DEPDC5: variants seen among roughly 807,000 people sequenced by gnomAD.
DEPDC5 encodes GATOR1 complex protein DEPDC5.
Under a neutral mutation model 217.3 loss-of-function variants are expected in DEPDC5, and 73 were observed. The ratio of observed to expected loss-of-function variants is 0.34; its 90% CI spans 0.28 to 0.41. The LOEUF is 0.41. DEPDC5 is among the 10% of genes least tolerant of loss of function. DEPDC5 has a pLI of 1.00. For missense variants in DEPDC5, 1,675 were observed against 2,070.1 expected (o/e 0.81, Z 3.70); for synonymous variants, 733 against 756.7 (o/e 0.97, Z 0.51).
At chr22:31,811,615 T>G (rs886233734) in intron 20 of DEPDC5, among the ~76,000 whole-genome samples, 1 of 151,934 alleles carries the variant, frequency 6.6e-6, no homozygotes, top group African/African-American at 2.4e-5. Context: ...AGTGTCACGT[T>G]GACAGCTCAC....
intron 8 of DEPDC5, 126 bp from the exon 9 acceptor site, chr22:31,783,781 G>A (rs775249718): frequency 1.7e-5 from 11 of 662,064 alleles, no homozygotes; most frequent in Non-Finnish European, 2.6e-5. Context: ...CCATTTTTAA[G>A]TGTATAGTTC....
chr22:31,896,946 G>A (rs1014435416), intron 39 of DEPDC5, among the ~76,000 whole-genome samples: 9 of 152,130 alleles, frequency 5.9e-5, no homozygotes, highest in African/African-American at 1.4e-4. Flanking sequence ...GCAAAACCCC[G>A]TCTCTACTAA....
chr22:31,826,797 T>C (rs922844493), intron 24 of DEPDC5, among the ~76,000 whole-genome samples: 15 of 152,216 alleles, frequency 9.9e-5, no homozygotes, highest in African/African-American at 1.7e-4. Context: ...TATGGACAAA[T>C]GAATTTATAT....
At chr22:31,759,562 C>T (rs992033528) in intron 3 of DEPDC5, among the ~76,000 whole-genome samples, 4 of 150,590 alleles carry the variant, frequency 2.7e-5, no homozygotes, top group Non-Finnish European at 4.4e-5. Context: ...TTAGTAGAGA[C>T]GGGGTTTCAC....
At chr22:31,835,805 T>A (rs977726777) in intron 25 of DEPDC5, among the ~76,000 whole-genome samples, 2 of 152,152 alleles carry the variant, frequency 1.3e-5, no homozygotes, top group African/African-American at 4.8e-5. Flanking sequence ...ATGAATTAGA[T>A]CTGTTGCAGG....
At chr22:31,886,273 T>C (rs1471016771) in intron 38 of DEPDC5, among the ~76,000 whole-genome samples, 1 of 152,152 alleles carries the variant, frequency 6.6e-6, no homozygotes, top group Non-Finnish European at 1.5e-5. Flanking sequence ...ATCCTCCCAG[T>C]TGGCCTTCAA....
chr22:31,858,098 A>G (rs1465743290), intron 32 of DEPDC5: 5 of 152,236 alleles, frequency 3.3e-5, no homozygotes, highest in African/African-American at 9.6e-5. Flanking sequence ...CTTTGGTTCA[A>G]TGCCCAAGAT....
chr22:31,863,643 G>A (rs1024893919), intron 33 of DEPDC5, among the ~76,000 whole-genome samples: 1 of 152,122 alleles, frequency 6.6e-6, no homozygotes, highest in Non-Finnish European at 1.5e-5. Flanking sequence ...AACCCTGTCT[G>A]TAATTTTTTA....
At chr22:31,865,484 A>G (rs2092664899) in intron 33 of DEPDC5, among the ~76,000 whole-genome samples, 1 of 152,100 alleles carries the variant, frequency 6.6e-6, no homozygotes, top group African/African-American at 2.4e-5. Context: ...CGACAGAGCA[A>G]GACCTGTCTC....
At chr22:31,820,207 G>A (rs1035482748) in intron 22 of DEPDC5, among the ~76,000 whole-genome samples, 9 of 152,062 alleles carry the variant, frequency 5.9e-5, no homozygotes, top group Non-Finnish European at 1.2e-4. Context: ...TGCCTTTTGG[G>A]TTCAAACAAT....
chr22:31,762,669 A>G (rs764678977), intron 4 of DEPDC5, among the ~76,000 whole-genome samples: 2 of 152,160 alleles, frequency 1.3e-5, no homozygotes, highest in Non-Finnish European at 2.9e-5. Context: ...AAGCTGAGGC[A>G]GGAGAATTGC....
chr22:31,866,605 C>G (rs1238445242), intron 33 of DEPDC5, among the ~76,000 whole-genome samples: 1 of 152,160 alleles, frequency 6.6e-6, no homozygotes, highest in Non-Finnish European at 1.5e-5. Context: ...AGGATGGTCT[C>G]CATCTCCTGA....
chr22:31,820,944 A>G (rs1429556255), intron 22 of DEPDC5, among the ~76,000 whole-genome samples: 1 of 152,096 alleles, frequency 6.6e-6, no homozygotes, highest in Non-Finnish European at 1.5e-5. Flanking sequence ...CACAGGTATC[A>G]TTTCATCTAC....
At chr22:31,814,690 T>C (rs1454589566) in intron 20 of DEPDC5, 1 of 373,618 alleles carries the variant, frequency 2.7e-6, no homozygotes, top group African/African-American at 2.0e-5. Context: ...CTTCTCATTC[T>C]GTTTTTAGTG....
intron 8 of DEPDC5, among the ~76,000 whole-genome samples, chr22:31,780,213 A>G (rs971333080): frequency 3.3e-5 from 5 of 152,174 alleles, no homozygotes; most frequent in African/African-American, 1.2e-4. Context: ...GGTGAGAGCT[A>G]TAACAATGGA....
chr22:31,785,370 A>G (rs1222390555), intron 10 of DEPDC5, among the ~76,000 whole-genome samples: 3 of 152,210 alleles, frequency 2.0e-5, no homozygotes, highest in Admixed American at 6.5e-5. Flanking sequence ...CCAGCAATAA[A>G]CAATCTGAAA....
chr22:31,771,462 C>G (rs1214805384), intron 7 of DEPDC5, among the ~76,000 whole-genome samples: 1 of 152,064 alleles, frequency 6.6e-6, no homozygotes, highest in Non-Finnish European at 1.5e-5. Flanking sequence ...TGGCTCACAC[C>G]TGTAATCCCA....
chr22:31,792,877 T>G (rs1480150869), intron 12 of DEPDC5, 60 bp downstream of exon 12: 3 of 1,371,640 alleles, frequency 2.2e-6, no homozygotes, highest in Admixed American at 5.9e-5. Context: ...TTTCCTAACT[T>G]AAAAATAAGT....
chr22:31,793,102 C>T (rs1485697218), intron 12 of DEPDC5, among the ~76,000 whole-genome samples: 4 of 149,486 alleles, frequency 2.7e-5, no homozygotes, highest in Non-Finnish European at 5.9e-5. Flanking sequence ...ATAAATAAAC[C>T]TTTTAATTTT....
Sources: allele counts gnomAD v4.1 joint callset (sites outside exome capture counted in the v4.1 genomes callset), GRCh38; gene constraint gnomAD v4.1.1; transcripts MANE v1.5; gene names NCBI Gene and HGNC (gene_info 2026-07-23, HGNC 2026-07-21).